FHIT: variants seen among roughly 807,000 people sequenced by gnomAD.
The protein encoded by FHIT is bis(5'-adenosyl)-triphosphatase.
In FHIT, 19 loss-of-function variants were observed where a neutral mutation model predicts 17.9. The ratio of observed to expected loss-of-function variants is 1.06; its 90% CI spans 0.74 to 1.56. FHIT has a LOEUF of 1.56. Among genes scored for constraint, FHIT ranks in the 40% most tolerant of loss-of-function variants. FHIT has a pLI of 0.00. For synonymous variants in FHIT, 81 were observed against 69.7 expected, an observed-to-expected ratio of 1.16 and a Z score of -0.81; for missense variants, 248 against 189.2, an observed-to-expected ratio of 1.31 and a Z score of -1.82.
chr3:60,989,202 G>C (rs2029946576), intron 3 of FHIT, among the ~76,000 whole-genome samples: 1 of 152,148 alleles, frequency 6.6e-6, no homozygotes, highest in Non-Finnish European at 1.5e-5. Flanking sequence ...TTGCTGAAGT[G>C]CCATAGGAGT....
intron 4 of FHIT, among the ~76,000 whole-genome samples, chr3:60,561,886 G>GAAAGA (rs1235100926): frequency 7.0e-6 from 1 of 141,922 alleles, no homozygotes; most frequent in East Asian, 2.0e-4. Flanking sequence ...TCTGGAAAAT[G>GAAAGA]AAAGAAAAGA....
chr3:60,365,425 C>G (rs1006732258), intron 5 of FHIT, among the ~76,000 whole-genome samples: 15 of 151,958 alleles, frequency 9.9e-5, no homozygotes, highest in African/African-American at 1.9e-4. Flanking sequence ...TAAATTCTAT[C>G]ACAATTCACG....
At chr3:61,138,557 TA>T (rs1305927794) in intron 2 of FHIT, among the ~76,000 whole-genome samples, 15 of 152,192 alleles carry the variant, frequency 9.9e-5, no homozygotes, top group Non-Finnish European at 1.9e-4. Context: ...TGGCACTTAA[TA>T]AAGGCTTAAT....
chr3:60,296,643 T>A (rs7647341), intron 5 of FHIT, among the ~76,000 whole-genome samples: 142,111 of 152,078 alleles, frequency 0.93, 66,538 homozygotes, highest in East Asian at 1. Context: ...CAGAGAGAAA[T>A]TTTTTAAATT....
intron 5 of FHIT, among the ~76,000 whole-genome samples, chr3:60,298,178 G>A (rs114708635): frequency 0.016 from 2,409 of 152,074 alleles, 69 homozygotes; most frequent in African/African-American, 0.054. Flanking sequence ...TCCTTTTCAG[G>A]TGTTTATGAA....
At chr3:60,038,337 A>T (rs1701306074) in intron 5 of FHIT, among the ~76,000 whole-genome samples, 1 of 152,216 alleles carries the variant, frequency 6.6e-6, no homozygotes, top group African/African-American at 2.4e-5. Context: ...GCTGTAATTC[A>T]TATGAAATCT....
intron 5 of FHIT, among the ~76,000 whole-genome samples, chr3:60,066,683 G>T (rs931443450): frequency 1.3e-5 from 1 of 75,338 alleles, no homozygotes; most frequent in Non-Finnish European, 2.6e-5. Context: ...TTGAGATGGA[G>T]TCTTGCTCTG....
chr3:60,609,558 C>G (rs2038718949), intron 4 of FHIT, among the ~76,000 whole-genome samples: 1 of 152,090 alleles, frequency 6.6e-6, no homozygotes, highest in Admixed American at 6.5e-5. Context: ...AACTCCTGAC[C>G]TTGTGACTCA....
intron 7 of FHIT, among the ~76,000 whole-genome samples, chr3:59,953,835 C>T (rs374149216): frequency 1.8e-4 from 27 of 152,312 alleles, no homozygotes; most frequent in African/African-American, 6.0e-4. Context: ...TCCTGTACCC[C>T]GAGTGTGTGC....
intron 1 of FHIT, among the ~76,000 whole-genome samples, chr3:61,210,393 G>C (rs755151572): frequency 3.3e-5 from 5 of 152,160 alleles, no homozygotes; most frequent in Non-Finnish European, 7.4e-5. Context: ...GTCTGTGCCC[G>C]GCCCCCAGAG....
intron 4 of FHIT, chr3:60,732,298 T>A (rs2042046235): frequency 2.1e-6 from 2 of 948,610 alleles, no homozygotes; most frequent in Admixed American, 1.7e-5. Context: ...GCAGGGCACA[T>A]GAAAAACTGG....
At chr3:60,568,303 T>A (rs1334818626) in intron 4 of FHIT, among the ~76,000 whole-genome samples, 1 of 152,116 alleles carries the variant, frequency 6.6e-6, no homozygotes, top group Admixed American at 6.6e-5. Context: ...TCATATCCTT[T>A]ATAGGGACAT....
In FHIT at chr3:60,804,005, A is replaced by G. The variant is rs189559070; in HGVS notation, c.-18+17914T>C. On this transcript the variant is annotated intron_variant, in intron 4 of 9. Coordinates refer to ENST00000492590, the MANE Select transcript of FHIT (RefSeq NM_002012.4). ...GGCATCCAACCAAACACATGCAACT[A>G]ATTGCCACCCTCGGATGACACGCAA... 9.9e-4 allele frequency among the ~76,000 whole-genome samples: 151 copies of G among 152,272 alleles called. 4 individuals carry two copies. In the South Asian group the frequency reaches 0.03, roughly 30 times the overall value.
chr3:59,854,270 G>T (rs1036450510), intron 8 of FHIT, among the ~76,000 whole-genome samples: 2 of 152,106 alleles, frequency 1.3e-5, no homozygotes, highest in African/African-American at 4.8e-5. Context: ...TAACTCGCCC[G>T]GAAGCATTCC....
At chr3:60,592,923 G>A (rs1430494689) in intron 4 of FHIT, among the ~76,000 whole-genome samples, 2 of 152,108 alleles carry the variant, frequency 1.3e-5, no homozygotes, top group Non-Finnish European at 2.9e-5. Context: ...CTGGGATATA[G>A]CACTGTCTTG....
chr3:60,344,658 T>C (rs1165546020), intron 5 of FHIT, among the ~76,000 whole-genome samples: 2 of 152,196 alleles, frequency 1.3e-5, no homozygotes, highest in East Asian at 1.9e-4. Context: ...CCAAACTTGT[T>C]AGAAGATAAC....
intron 8 of FHIT, among the ~76,000 whole-genome samples, chr3:59,906,444 T>A (rs1704588099): frequency 6.6e-6 from 1 of 152,052 alleles, no homozygotes; most frequent in African/African-American, 2.4e-5. Context: ...TTCAGAGGAG[T>A]CTGTAACACA....
chr3:60,249,901 A>G (rs904547013), intron 5 of FHIT, among the ~76,000 whole-genome samples: 1 of 152,076 alleles, frequency 6.6e-6, no homozygotes, highest in Admixed American at 6.6e-5. Context: ...CACACCTTAC[A>G]TGGCAGCAGG....
intron 7 of FHIT, among the ~76,000 whole-genome samples, chr3:59,994,200 T>C (rs1699407916): frequency 6.6e-6 from 1 of 152,086 alleles, no homozygotes; most frequent in African/African-American, 2.4e-5. Flanking sequence ...AGATAAGCCA[T>C]GTGACACAAA....
Sources: allele counts gnomAD v4.1 joint callset (sites outside exome capture counted in the v4.1 genomes callset), GRCh38; gene constraint gnomAD v4.1.1; transcripts MANE v1.5; gene names NCBI Gene and HGNC (gene_info 2026-07-23, HGNC 2026-07-21).